The following MKNK2 variants were observed in gnomAD, a reference collection of about 807,000 sequenced individuals.
The protein encoded by MKNK2 is MAPK interacting serine/threonine kinase 2.
Under a neutral mutation model 55.0 loss-of-function variants are expected in MKNK2, and 54 were observed. The observed-to-expected ratio is 0.98, with a 90% CI of 0.79 to 1.23. MKNK2 has a LOEUF of 1.23. MKNK2 is among the 50% of genes most tolerant of loss of function. The probability of loss-of-function intolerance (pLI) is 0.00; values close to 1 mark genes in which losing one functional copy is unlikely to be tolerated. For synonymous variants in MKNK2, 323 were observed against 256.0 expected (o/e 1.26, Z -2.50); for missense variants, 685 against 632.1 (o/e 1.08, Z -0.90).
chr19:2,049,121 G>A (rs1227806449), intron 2 of MKNK2, among the ~76,000 whole-genome samples: 1 of 152,238 alleles, frequency 6.6e-6, no homozygotes, highest in African/African-American at 2.4e-5. Context: ...CAAAGCTACA[G>A]ATGGACGGCC....
Position 2,046,277 on chromosome 19 carries a change from T to C in MKNK2, c.248A>G (p.Tyr83Cys), listed in dbSNP as rs1456134749. The change falls in exon 5 of 14, where the codon TAC (tyrosine) becomes TGC (cysteine). Residue 83 changes from tyrosine (Y) to cysteine (C), a missense_variant. Tyr to Cys is a radical substitution (Grantham distance 194, BLOSUM62 -2). Transcript: ENST00000250896. The part of the protein sequence containing the change: ...DSFSGRFEDV[Y>C]QLQEDVLGEG... ...CCCCAGCACATCTTCCTGCAGCTGG[T>C]AGACGTCTGCCGGGCAGCGGGGCGG... is the stretch of plus-strand genomic sequence containing the variant. 1.9e-6 allele frequency: 3 copies of C among 1,604,348 alleles called. No individual in the cohort carries two copies. The highest frequency in any genetic ancestry group is 1.7e-5 in the Admixed American group (1 of 60,020).
At chr19:2,051,010 C>A in intron 1 of MKNK2, 63 bp from the exon 2 acceptor site, 1 of 421,092 alleles carries the variant, frequency 2.4e-6, no homozygotes, top group Non-Finnish European at 4.1e-6. Context: ...GGAGCGCGGA[C>A]CGGGCGGGGG....
In MKNK2 at chr19:2,038,676, G is replaced by A. The variant is rs929695457; in HGVS notation, c.*937C>T. 5 of 985,608 alleles carry A rather than the reference G, an allele frequency of 5.1e-6. No homozygotes were observed. In the African/African-American group the frequency reaches 8.7e-5, roughly 17 times the overall value. 61.1% of individuals were successfully genotyped at this position (985,608 alleles called of 1,614,324 possible). ...AGGTCAGGCCCGAGGGGCGGCGCGA[G>A]GCAGGACGTGGCTACGGTCAGACTG... is the stretch of plus-strand genomic sequence containing the variant. On this transcript the variant is annotated 3_prime_UTR_variant, in exon 14 of 14. Coordinates refer to ENST00000250896, the MANE Select transcript of MKNK2 (RefSeq NM_199054.3).
At chr19:2,045,178 G>A (rs1417050405) in intron 5 of MKNK2, among the ~76,000 whole-genome samples, 1 of 152,140 alleles carries the variant, frequency 6.6e-6, no homozygotes, top group African/African-American at 2.4e-5. Context: ...ACCACACCAG[G>A]TCAATGTGGC....
rs1555691178 is a variant in MKNK2 at position 2,037,843 on chromosome 19, A to AC, written c.*1769_*1770insG. On this transcript the variant is annotated 3_prime_UTR_variant, in exon 14 of 14. Coordinates refer to ENST00000250896, the MANE Select transcript of MKNK2 (RefSeq NM_199054.3). The stretch of plus-strand genomic sequence containing the variant: ...TGACTGTCCCACCTTCAGAAAAAAA[A>AC]AAAAAAACAAACAAACAAACGCTGC... 8.9e-6 allele frequency: 14 copies of AC among 1,578,464 alleles called. 1 individual carries two copies. The highest frequency in any genetic ancestry group is 5.4e-5 in the Admixed American group (3 of 55,054).
Position 2,038,352 on chromosome 19 carries a change from C to A in MKNK2, c.*1261G>T. On this transcript the variant is annotated 3_prime_UTR_variant, in exon 14 of 14. Transcript: ENST00000250896. ...CAGCTGTGGAGCTCGGGGGCTGCGC[C>A]GGGAAGGGCGGGCGGTGACCCTAGC... is the stretch of plus-strand genomic sequence containing the variant. The A allele has an allele frequency of 1.0e-6, 1 of 986,478 alleles. No individual in the cohort carries two copies. The highest frequency in any genetic ancestry group is 1.2e-6 in the Non-Finnish European group (1 of 830,390). 61.1% of individuals were successfully genotyped at this position (986,478 alleles called of 1,614,324 possible).
At position 2,046,262 on chromosome 19, in the gene MKNK2, T is replaced by C; in HGVS notation, c.263A>G (p.Asp88Gly). 1.2e-6 allele frequency: 2 copies of C among 1,605,288 alleles called. No individual in the cohort carries two copies. Among genetic ancestry groups the C allele is most frequent in the Non-Finnish European group, 1.7e-6 (2 of 1,179,888 alleles). The stretch of plus-strand genomic sequence containing the variant: ...GGCATGAGCGCCCTCCCCCAGCACA[T>C]CTTCCTGCAGCTGGTAGACGTCTGC... ...RFEDVYQLQE[D>G]VLGEGAHARV... is the part of the protein sequence containing the mutation. The change falls in exon 5 of 14, where the codon GAT (aspartate) becomes GGT (glycine). Residue 88 changes from aspartate to glycine, a missense_variant. Physicochemically the swap from Asp to Gly is moderately conservative, Grantham distance 94. Coordinates refer to ENST00000250896, the MANE Select transcript of MKNK2 (RefSeq NM_199054.3).
At chr19:2,040,091 G>C (rs367723831) in intron 13 of MKNK2, 43 bp downstream of exon 13, 5 of 1,554,804 alleles carry the variant, frequency 3.2e-6, no homozygotes, top group Non-Finnish European at 4.4e-6. Flanking sequence ...TGGAAACCCC[G>C]CCCCCTGGAC....
intron 2 of MKNK2, among the ~76,000 whole-genome samples, chr19:2,048,209 G>GGACCTGGAT (rs2017039483): frequency 6.6e-6 from 1 of 152,148 alleles, no homozygotes; most frequent in African/African-American, 2.4e-5. Flanking sequence ...ATCCAGGCCT[G>GGACCTGGAT]TTGCACTGGG....
intron 2 of MKNK2, among the ~76,000 whole-genome samples, chr19:2,050,460 C>T (rs2017090159): frequency 6.6e-6 from 1 of 152,250 alleles, no homozygotes; most frequent in South Asian, 2.1e-4. Context: ...TGGGACAGGA[C>T]TGCAGCCTGC....
intron 2 of MKNK2, among the ~76,000 whole-genome samples, chr19:2,047,120 A>G (rs1303961972): frequency 6.6e-6 from 1 of 152,200 alleles, no homozygotes; most frequent in Non-Finnish European, 1.5e-5. Context: ...CTAGCACCTC[A>G]GCAAGGCAAG....
chr19:2,037,475 G>A lies in MKNK2; in HGVS notation c.*2138C>T, dbSNP rs1394860833. 3 of 286,156 alleles carry A rather than the reference G, an allele frequency of 1.0e-5. No homozygotes were observed. The highest frequency in any genetic ancestry group is 1.9e-5 in the Non-Finnish European group (3 of 154,900). The allele number at this position is 286,156 out of a possible 1,614,324, so 17.7% of individuals were successfully genotyped here. A position where few individuals can be genotyped will look rare whatever the true frequency, so the allele number is the denominator to read the frequency against. On this transcript the variant is annotated 3_prime_UTR_variant, in exon 14 of 14. Transcript: ENST00000250896. Reference sequence around the variant, plus strand: ...AAACTAAAACTCAGGCACACAGCAAGTTTTTTGACTTTTATTAAATCTTTA... The same window carrying A: ...AAACTAAAACTCAGGCACACAGCAAATTTTTTGACTTTTATTAAATCTTTA...
At chr19:2,042,112 C>T (rs1321060282) in intron 10 of MKNK2, 78 bp from the exon 11 acceptor site, 3 of 1,321,840 alleles carry the variant, frequency 2.3e-6, no homozygotes, top group South Asian at 3.2e-5. Context: ...CTGCGGGTCA[C>T]CTGCGCCAGC....
chr19:2,050,094 G>GC (rs1460015133), intron 2 of MKNK2, among the ~76,000 whole-genome samples: 1 of 152,158 alleles, frequency 6.6e-6, no homozygotes, highest in African/African-American at 2.4e-5. Flanking sequence ...GTCCTGCGGG[G>GC]CCCCTGCCCA....
intron 13 of MKNK2, 42 bp downstream of exon 13, chr19:2,040,092 C>T (rs761571361): frequency 1.6e-5 from 25 of 1,556,054 alleles, no homozygotes; most frequent in South Asian, 3.5e-5. Flanking sequence ...GGAAACCCCG[C>T]CCCCTGGACT....
rs369794132 is a variant in MKNK2, at chr19:2,046,461, G to A, written c.147C>T (p.Pro49=). The A allele has an allele frequency of 1.1e-5, 18 of 1,607,898 alleles. No homozygotes were observed. Among genetic ancestry groups the A allele is most frequent in the Admixed American group, 3.3e-5 (2 of 59,878 alleles). ...GLQCSARPDM[P]ASQPIDIPDA... ...CCGGGATGTCAATGGGCTGGCTGGC[G>A]GGCATGTCTGTTCCAGGAGGCACGC... Residue 49 remains proline (P), a synonymous_variant, in exon 4 of 14, where the codon CCC becomes CCT. Coordinates refer to ENST00000250896, the MANE Select transcript of MKNK2 (RefSeq NM_199054.3).
Position 2,038,857 on chromosome 19 carries a change from G to A in MKNK2, c.*756C>T, listed in dbSNP as rs949905070. 2.0e-6 allele frequency: 2 copies of A among 985,826 alleles called. No homozygotes were observed. Among genetic ancestry groups the A allele is most frequent in the Non-Finnish European group, 2.4e-6 (2 of 830,002 alleles). 61.1% of individuals were successfully genotyped at this position (985,826 alleles called of 1,614,324 possible). On this transcript the variant is annotated 3_prime_UTR_variant, in exon 14 of 14. Transcript: ENST00000250896. ...GTCTCAGGCCTTGGTGTGGAGGGGA[G>A]GGGCAGCGGCGAGCCCCTGGGGTCA...
Position 2,039,139 on chromosome 19 carries a change from G to A in MKNK2, c.*474C>T, listed in dbSNP as rs748609497. The A allele has an allele frequency of 1.1e-5, 11 of 992,270 alleles. No homozygotes were observed. The highest frequency in any genetic ancestry group is 4.6e-5 in the South Asian group (1 of 21,704). The allele number at this position is 992,270 out of a possible 1,614,324, so 61.5% of individuals were successfully genotyped here. On this transcript the variant is annotated 3_prime_UTR_variant, in exon 14 of 14. Coordinates refer to ENST00000250896, the MANE Select transcript of MKNK2 (RefSeq NM_199054.3). ...TCTCAGGGTGAGGGATAGAGGGGAA[G>A]AGCCTGTCCCTGAAATACTGCGGGC...
rs148071042 is a variant in MKNK2 at position 2,046,282 on chromosome 19, G to A, written c.243C>T (p.Asp81=). 1.2e-4 allele frequency: 189 copies of A among 1,604,184 alleles called. No individual in the cohort carries two copies. The African/African-American group carries it at 2.1e-3, about 17-fold the overall frequency. ...GCACATCTTCCTGCAGCTGGTAGAC[G>A]TCTGCCGGGCAGCGGGGCGGGCGTG... ...ATDSFSGRFE[D]VYQLQEDVLG... is the part of the protein sequence containing the mutation. Residue 81 remains aspartate (D), a splice_region_variant and synonymous_variant, in exon 5 of 14, where the codon GAC becomes GAT. Transcript: ENST00000250896.
Sources: allele counts gnomAD v4.1 joint callset (sites outside exome capture counted in the v4.1 genomes callset), GRCh38; gene constraint gnomAD v4.1.1; transcripts MANE v1.5; gene names NCBI Gene and HGNC (gene_info 2026-07-23, HGNC 2026-07-21).